Variants in DAB1 observed in about 807,000 individuals in gnomAD.
DAB1 encodes the protein DAB adaptor protein 1, also known as disabled homolog 1.
In DAB1, 15 loss-of-function variants were observed where a neutral mutation model predicts 64.6. The ratio of observed to expected loss-of-function variants is 0.23; its 90% CI spans 0.16 to 0.36. The LOEUF is 0.36. Among genes scored for constraint, DAB1 ranks in the 10% least tolerant of loss-of-function variants. The pLI is 1.00. For synonymous variants in DAB1, 235 were observed against 251.9 expected, an observed-to-expected ratio of 0.93 and a Z score of 0.64; for missense variants, 596 against 706.7, an observed-to-expected ratio of 0.84 and a Z score of 1.78.
At chr1:57,116,413 G>A (rs1416545923) in intron 4 of DAB1, among the ~76,000 whole-genome samples, 2 of 124,030 alleles carry the variant, frequency 1.6e-5, no homozygotes, top group Non-Finnish European at 3.2e-5. Flanking sequence ...AGTGAGCTGA[G>A]ATCACGCCAT....
intron 6 of DAB1, among the ~76,000 whole-genome samples, chr1:57,787,756 T>C (rs964139219): frequency 3.9e-5 from 6 of 152,080 alleles, no homozygotes; most frequent in South Asian, 4.1e-4. Context: ...AAAATGTTTA[T>C]TTGCAAAACA....
At chr1:57,934,580 ACTTG>A (rs1644999851) in intron 5 of DAB1, among the ~76,000 whole-genome samples, 1 of 152,134 alleles carries the variant, frequency 6.6e-6, no homozygotes, top group African/African-American at 2.4e-5. Flanking sequence ...CTAGCATTTA[ACTTG>A]ATCTATTATA....
chr1:57,164,713 G>C (rs1272331646), intron 2 of DAB1, among the ~76,000 whole-genome samples: 2 of 152,152 alleles, frequency 1.3e-5, no homozygotes, highest in Non-Finnish European at 2.9e-5. Flanking sequence ...TCTGAAAGAA[G>C]AAGTGACCAC....
At chr1:57,397,056 A>G (rs1317590866) in intron 1 of DAB1, among the ~76,000 whole-genome samples, 1 of 152,230 alleles carries the variant, frequency 6.6e-6, no homozygotes, top group Non-Finnish European at 1.5e-5. Context: ...ATCATCAACT[A>G]TGAGAATTAG....
At chr1:57,787,158 C>T (rs76352882) in intron 6 of DAB1, among the ~76,000 whole-genome samples, 7,183 of 151,996 alleles carry the variant, frequency 0.047, 604 homozygotes, top group African/African-American at 0.17. Context: ...ATAAATTGTC[C>T]GGCTAATTAT....
chr1:57,482,489 A>AAC (rs1644035246), intron 7 of DAB1, among the ~76,000 whole-genome samples: 1 of 150,630 alleles, frequency 6.6e-6, no homozygotes, highest in Admixed American at 6.6e-5. Flanking sequence ...AAAAAAAAAA[A>AAC]AAAAAAAAAA....
chr1:57,057,668 C>T (rs1397609386), intron 9 of DAB1, among the ~76,000 whole-genome samples: 2 of 149,150 alleles, frequency 1.3e-5, no homozygotes, highest in Admixed American at 6.8e-5. Context: ...AGTGCAGTGG[C>T]ATGATCTCGG....
intron 1 of DAB1, among the ~76,000 whole-genome samples, chr1:57,412,180 T>A (rs1684165948): frequency 6.6e-6 from 1 of 152,216 alleles, no homozygotes; most frequent in Non-Finnish European, 1.5e-5. Flanking sequence ...ATGCTGTATG[T>A]TTTCTAACTG....
chr1:58,415,408 A>G (rs1644709855), intron 3 of DAB1: 1 of 244,074 alleles, frequency 4.1e-6, no homozygotes, highest in South Asian at 1.5e-4. Flanking sequence ...AAAAGGAAAG[A>G]ATTCCATTTC....
At chr1:57,894,201 C>G (rs1332202662) in intron 5 of DAB1, among the ~76,000 whole-genome samples, 1 of 152,174 alleles carries the variant, frequency 6.6e-6, no homozygotes, top group Non-Finnish European at 1.5e-5. Context: ...GTGTACTTTC[C>G]TTCCTTTTGT....
At chr1:58,166,750 GTT>G (rs35872481) in intron 4 of DAB1, among the ~76,000 whole-genome samples, 7 of 134,930 alleles carry the variant, frequency 5.2e-5, no homozygotes, top group Non-Finnish European at 8.0e-5. Flanking sequence ...TTGTTTGTTC[GTT>G]TTTTTTTTTT....
At position 58,300,543 on chromosome 1, in the gene DAB1, G is replaced by GA. The variant is rs199988172; in HGVS notation, n.309+42808dup. Among the ~76,000 whole-genome samples, 314 of 102,348 alleles carry GA rather than the reference G, an allele frequency of 3.1e-3. 2 individuals are homozygous for GA. Among genetic ancestry groups the GA allele is most frequent in the Non-Finnish European group, 4.2e-3 (218 of 51,816 alleles). 67.1% of individuals were successfully genotyped at this position (102,348 alleles called of 152,430 possible). ...GCCTGGGCAACAAAAGTGAAACTCT[G>GA]AAAAGAAAGAAAGAAAGAAAGAAAG... On this transcript the variant is annotated intron_variant and non_coding_transcript_variant, in intron 4 of 20. Transcript: ENST00000485760.
chr1:57,821,432 T>G (rs1248724254), downstream of DAB1, among the ~76,000 whole-genome samples: 3 of 152,236 alleles, frequency 2.0e-5, no homozygotes, highest in Non-Finnish European at 2.9e-5. Context: ...GGATCTACAC[T>G]GTCAGTTGTC....
At chr1:58,052,686 T>C (rs1647759393) in intron 5 of DAB1, among the ~76,000 whole-genome samples, 2 of 152,346 alleles carry the variant, frequency 1.3e-5, no homozygotes, top group South Asian at 4.1e-4. Flanking sequence ...AAGCATGGAA[T>C]GTTCTTCCAT....
At chr1:58,220,970 A>C (rs1202528683) in intron 4 of DAB1, among the ~76,000 whole-genome samples, 1 of 149,790 alleles carries the variant, frequency 6.7e-6, no homozygotes, top group Non-Finnish European at 1.5e-5. Flanking sequence ...TGGCCAGCCC[A>C]GGTGGAAAGC....
At chr1:58,137,135 T>C (rs1187289486) in intron 5 of DAB1, among the ~76,000 whole-genome samples, 1 of 152,202 alleles carries the variant, frequency 6.6e-6, no homozygotes, top group Non-Finnish European at 1.5e-5. Context: ...TTTTTAAAGA[T>C]AAGTTAAAAA....
At chr1:58,399,234 T>C (rs1644550046) in intron 3 of DAB1, among the ~76,000 whole-genome samples, 1 of 152,378 alleles carries the variant, frequency 6.6e-6, no homozygotes, top group East Asian at 1.9e-4. Context: ...GCATTGTTTC[T>C]TTTTGATCCT....
At chr1:57,199,256 A>G (rs778294487) in intron 2 of DAB1, among the ~76,000 whole-genome samples, 1 of 152,176 alleles carries the variant, frequency 6.6e-6, no homozygotes, top group Non-Finnish European at 1.5e-5. Flanking sequence ...TTAAAGTAAA[A>G]TTTCTAATTA....
intron 3 of DAB1, among the ~76,000 whole-genome samples, chr1:58,423,353 G>C (rs1644791181): frequency 6.6e-6 from 1 of 152,172 alleles, no homozygotes; most frequent in Non-Finnish European, 1.5e-5. Flanking sequence ...CTCTGGCATA[G>C]AGCTGATCAC....
Sources: allele counts gnomAD v4.1 joint callset (sites outside exome capture counted in the v4.1 genomes callset), GRCh38; gene constraint gnomAD v4.1.1; transcripts MANE v1.5; gene names NCBI Gene and HGNC (gene_info 2026-07-23, HGNC 2026-07-21).